ADAMTS18: variants seen among roughly 807,000 people sequenced by gnomAD.
The protein encoded by ADAMTS18 is A disintegrin and metalloproteinase with thrombospondin motifs 18.
In ADAMTS18, 157 loss-of-function variants were observed where a neutral mutation model predicts 165.9. The ratio of observed to expected loss-of-function variants is 0.95; its 90% CI spans 0.83 to 1.08. The LOEUF is 1.08. Among genes scored for constraint, ADAMTS18 ranks in the 50% least tolerant of loss-of-function variants. ADAMTS18 has a pLI of 0.00. For missense variants in ADAMTS18, 2,040 were observed against 1,534.0 expected (o/e 1.33, Z -5.51); for synonymous variants, 782 against 578.2 (o/e 1.35, Z -5.06).
At chr16:77,419,342 T>C (rs2057571375) in intron 3 of ADAMTS18, among the ~76,000 whole-genome samples, 1 of 152,148 alleles carries the variant, frequency 6.6e-6, no homozygotes, top group African/African-American at 2.4e-5. Flanking sequence ...GTTGTAGGAC[T>C]GAAGCCCCCT....
In ADAMTS18 at chr16:77,359,396, G is replaced by C. The variant is rs2056678017; in HGVS notation, c.1244C>G (p.Ser415Cys). The C allele has an allele frequency of 6.2e-7, 1 of 1,614,006 alleles. No individual in the cohort carries two copies. Among genetic ancestry groups the C allele is most frequent in the Non-Finnish European group, 8.5e-7 (1 of 1,180,004 alleles). ...ATTGATGGTACAACTTCGGTACTTA[G>C]AGCACATTCCACTGATGGGGGCAAA... is the stretch of plus-strand genomic sequence containing the variant. ...LGFAPISGMC[S>C]KYRSCTINED... is the part of the protein sequence containing the mutation. The change falls in exon 8 of 23, where the codon TCT (serine) becomes TGT (cysteine). Residue 415 changes from serine to cysteine, a missense_variant. Physicochemically the swap from Ser to Cys is moderately radical, Grantham distance 112 (BLOSUM62 -1). Transcript: ENST00000282849.
chr16:77,356,209 G>A (rs1362703716), intron 8 of ADAMTS18, 132 bp from the exon 9 acceptor site: 2 of 1,201,484 alleles, frequency 1.7e-6, no homozygotes, highest in Admixed American at 1.9e-5. Context: ...AACTGGAAAA[G>A]AGAAAGGCAA....
intron 3 of ADAMTS18, among the ~76,000 whole-genome samples, chr16:77,375,759 A>C (rs2056941285): frequency 6.6e-6 from 1 of 152,260 alleles, no homozygotes; most frequent in Admixed American, 6.5e-5. Flanking sequence ...GGTATTTATA[A>C]AGAAAAGAGG....
chr16:77,302,242 G>C (rs2055598126), intron 16 of ADAMTS18, among the ~76,000 whole-genome samples: 1 of 152,134 alleles, frequency 6.6e-6, no homozygotes, highest in South Asian at 2.1e-4. Flanking sequence ...CTAGAATTGT[G>C]AGAGCAGTTT....
intron 2 of ADAMTS18, among the ~76,000 whole-genome samples, chr16:77,431,992 A>C (rs1046670061): frequency 6.6e-6 from 1 of 152,212 alleles, no homozygotes. Flanking sequence ...TTTTGAAGAT[A>C]AAGTTAATAA....
chr16:77,356,553 C>A (rs10514416), intron 8 of ADAMTS18, among the ~76,000 whole-genome samples: 55,438 of 151,968 alleles, frequency 0.36, 11,020 homozygotes, highest in Non-Finnish European at 0.46. Context: ...GGTATAAAAA[C>A]TTCTCTCCAA....
chr16:77,346,475 A>T (rs528435218), intron 10 of ADAMTS18, among the ~76,000 whole-genome samples: 8 of 152,320 alleles, frequency 5.3e-5, no homozygotes, highest in Middle Eastern at 3.4e-3. Context: ...GAATTAAAAA[A>T]AATAATAACA....
At position 77,421,632 on chromosome 16, in the gene ADAMTS18, A is replaced by C. The variant is rs919374; in HGVS notation, c.495+9663T>G. 2.0e-5 allele frequency among the ~76,000 whole-genome samples: 3 copies of C among 152,102 alleles called. No homozygotes were observed. In the South Asian group the frequency reaches 6.2e-4, roughly 32 times the overall value. ...TGAGTTCTCAGTAACTTTGCATGTT[A>C]TACAAGCCAGGTATTAATGATGGTG... On this transcript the variant is annotated intron_variant, in intron 3 of 22. Transcript: ENST00000282849.
chr16:77,383,700 G>A (rs1036819439), intron 3 of ADAMTS18, among the ~76,000 whole-genome samples: 6 of 152,090 alleles, frequency 3.9e-5, no homozygotes, highest in African/African-American at 9.6e-5. Flanking sequence ...CCACCACCAC[G>A]CCTGGCTAAT....
chr16:77,325,108 T>A (rs1204317258), intron 13 of ADAMTS18, among the ~76,000 whole-genome samples: 1 of 152,186 alleles, frequency 6.6e-6, no homozygotes, highest in Non-Finnish European at 1.5e-5. Context: ...AGCCCATGGA[T>A]TGTCATTAAA....
intron 2 of ADAMTS18, 100 bp from the exon 3 acceptor site, chr16:77,431,711 T>G (rs1280631081): frequency 8.0e-7 from 1 of 1,248,504 alleles, no homozygotes; most frequent in Non-Finnish European, 1.2e-6. Flanking sequence ...CTCAAAGATA[T>G]CTTTGTTCCT....
At chr16:77,358,352 G>C (rs2056662177) in intron 8 of ADAMTS18, among the ~76,000 whole-genome samples, 2 of 152,144 alleles carry the variant, frequency 1.3e-5, no homozygotes, top group African/African-American at 4.8e-5. Context: ...GAGGTCGGCA[G>C]ATCACCTGTA....
intron 13 of ADAMTS18, 56 bp from the exon 14 acceptor site, chr16:77,322,522 ATAGG>A: frequency 1.3e-6 from 2 of 1,589,048 alleles, no homozygotes; most frequent in Admixed American, 3.3e-5. Flanking sequence ...AGGAAAAATG[ATAGG>A]ATTGTCAAAA....
At chr16:77,404,332 T>A (rs2144815695) in intron 3 of ADAMTS18, among the ~76,000 whole-genome samples, 1 of 152,264 alleles carries the variant, frequency 6.6e-6, no homozygotes, top group South Asian at 2.1e-4. Context: ...GGAGGATACC[T>A]TTTCAGGGTC....
At chr16:77,415,325 G>A (rs963433366) in intron 3 of ADAMTS18, among the ~76,000 whole-genome samples, 2 of 152,174 alleles carry the variant, frequency 1.3e-5, no homozygotes, top group South Asian at 2.1e-4. Context: ...ATTTCAAAAT[G>A]TCAGAAATGA....
intron 3 of ADAMTS18, among the ~76,000 whole-genome samples, chr16:77,395,371 C>T (rs1470538612): frequency 6.6e-6 from 1 of 152,162 alleles, no homozygotes; most frequent in African/African-American, 2.4e-5. Flanking sequence ...GTGGCTCCAT[C>T]ATGGTAGCCT....
At chr16:77,340,775 G>A (rs923258467) in intron 11 of ADAMTS18, among the ~76,000 whole-genome samples, 1 of 151,836 alleles carries the variant, frequency 6.6e-6, no homozygotes, top group Non-Finnish European at 1.5e-5. Flanking sequence ...GTCTCGCTGT[G>A]TTACCTGTTC....
At position 77,284,002 on chromosome 16, in the gene ADAMTS18, T is replaced by C. The variant is rs1234148794; in HGVS notation, c.3620A>G (p.Lys1207Arg). The change falls in exon 23 of 23, where the codon AAG becomes AGG. Residue 1207 changes from lysine (K) to arginine (R), a missense_variant. Lys to Arg is a conservative substitution (Grantham distance 26). Transcript: ENST00000282849. ...CTTGCAGCATTGTTTTCCGTAAAACTTGTGGTTGCAGACACCATGCTGAGG... is the reference window on the plus strand; with the variant it reads ...CTTGCAGCATTGTTTTCCGTAAAACCTGTGGTTGCAGACACCATGCTGAGG... ...LVPQHGVCNHKFYGKQCCKSC... is the reference protein window; with the variant it reads ...LVPQHGVCNHRFYGKQCCKSC... 15 of 1,613,998 alleles carry C rather than the reference T, an allele frequency of 9.3e-6. No homozygotes were observed. Among genetic ancestry groups the C allele is most frequent in the Non-Finnish European group, 1.3e-5 (15 of 1,179,988 alleles).
At chr16:77,405,008 G>A (rs1326390752) in intron 3 of ADAMTS18, among the ~76,000 whole-genome samples, 3 of 152,162 alleles carry the variant, frequency 2.0e-5, no homozygotes, top group African/African-American at 7.2e-5. Flanking sequence ...AATGTTTTTA[G>A]CACTGCTGTT....
Sources: gnomAD v4.1 joint callset for allele counts (sites outside exome capture counted in the v4.1 genomes callset) on GRCh38, gnomAD v4.1.1 for gene constraint, MANE v1.5 for transcripts, NCBI Gene and HGNC (gene_info 2026-07-23, HGNC 2026-07-21) for gene names.